The following MTHFD1L variants were observed in gnomAD, a reference collection of about 807,000 sequenced individuals.
MTHFD1L encodes the protein monofunctional C1-tetrahydrofolate synthase, mitochondrial.
MTHFD1L carries 81 observed loss-of-function variants against 119.5 expected under a neutral mutation model. The observed-to-expected ratio is 0.68, with a 90% CI of 0.57 to 0.82. The LOEUF (loss-of-function observed/expected upper bound fraction) is 0.82. MTHFD1L is among the 40% of genes least tolerant of loss of function. The pLI is 0.00. For missense variants in MTHFD1L, 1,125 were observed against 1,253.4 expected, an observed-to-expected ratio of 0.90 and a Z score of 1.55; for synonymous variants, 430 against 475.2, an observed-to-expected ratio of 0.90 and a Z score of 1.24.
At chr6:151,067,182 C>T (rs766560039) in intron 26 of MTHFD1L, among the ~76,000 whole-genome samples, 4 of 151,700 alleles carry the variant, frequency 2.6e-5, no homozygotes, top group Non-Finnish European at 2.9e-5. Context: ...TTAGTAGAAA[C>T]GGGGTTTCAC....
At chr6:150,939,491 C>T (rs1433921169) in intron 13 of MTHFD1L, among the ~76,000 whole-genome samples, 1 of 152,030 alleles carries the variant, frequency 6.6e-6, no homozygotes, top group Non-Finnish European at 1.5e-5. Flanking sequence ...TCTGCATCAG[C>T]CTTATCATTC....
At chr6:151,009,448 C>T (rs771609857) in intron 20 of MTHFD1L, among the ~76,000 whole-genome samples, 1 of 151,958 alleles carries the variant, frequency 6.6e-6, no homozygotes, top group South Asian at 2.1e-4. Context: ...TCAGGAGAAT[C>T]GCTTGTGCCC....
intron 2 of MTHFD1L, among the ~76,000 whole-genome samples, chr6:150,876,764 G>A (rs1019949577): frequency 1.3e-5 from 2 of 152,142 alleles, no homozygotes; most frequent in Non-Finnish European, 2.9e-5. Flanking sequence ...AGCCAAGCCT[G>A]GAAGCAAACA....
chr6:151,004,668 T>C (rs894808525), intron 20 of MTHFD1L, among the ~76,000 whole-genome samples: 2 of 152,212 alleles, frequency 1.3e-5, no homozygotes, highest in Admixed American at 6.5e-5. Flanking sequence ...ACCCAAATTG[T>C]CCCTTCCCAA....
In MTHFD1L at chr6:150,956,166, A is replaced by C. The variant is rs540911754; in HGVS notation, c.1803+95A>C. Reference sequence around the variant, plus strand: ...CTTTGCCTTTCTTGTCTCATCCCCAACCTGTTGTGGCCAGTGGTTCTCTCA... The same window carrying C: ...CTTTGCCTTTCTTGTCTCATCCCCACCCTGTTGTGGCCAGTGGTTCTCTCA... On this transcript the variant is annotated intron_variant, in intron 17 of 27. Coordinates refer to ENST00000367321, the MANE Select transcript of MTHFD1L (RefSeq NM_015440.5). The C allele has an allele frequency of 2.4e-6, 3 of 1,259,280 alleles. No individual in the cohort carries two copies. In the East Asian group the frequency reaches 7.0e-5, roughly 29 times the overall value. 78.0% of individuals were successfully genotyped at this position (1,259,280 alleles called of 1,614,324 possible).
At chr6:150,923,553 T>TC (rs1562387422) in intron 10 of MTHFD1L, among the ~76,000 whole-genome samples, 1 of 82,946 alleles carries the variant, frequency 1.2e-5, no homozygotes, top group Admixed American at 1.4e-4. Context: ...TCTTTTTTTT[T>TC]TTTTTTTTTT....
At chr6:151,090,120 T>A (rs1432392347) in intron 26 of MTHFD1L, among the ~76,000 whole-genome samples, 1 of 152,182 alleles carries the variant, frequency 6.6e-6, no homozygotes, top group Admixed American at 6.5e-5. Context: ...GTTTTATGTG[T>A]TCCCCCAGCC....
Position 151,069,278 on chromosome 6 carries a change from T to TCTCTCC in MTHFD1L, c.2848-23186_2848-23185insTCCCTC, listed in dbSNP as rs1177991974. The stretch of plus-strand genomic sequence containing the variant: ...CTCTCTCTCTCTCTCTCTCTCTCTC[T>TCTCTCC]CTCCCTCCCTCTCTCTGTCATAGGG... On this transcript the variant is annotated intron_variant, in intron 26 of 27. Coordinates refer to ENST00000367321, the MANE Select transcript of MTHFD1L (RefSeq NM_015440.5). 4.6e-4 allele frequency among the ~76,000 whole-genome samples: 69 copies of TCTCTCC among 151,028 alleles called. No individual in the cohort carries two copies. The South Asian group carries it at 5.3e-3, about 12-fold the overall frequency.
intron 6 of MTHFD1L, among the ~76,000 whole-genome samples, chr6:150,886,435 C>CAAAAA (rs996165446): frequency 1.4e-5 from 1 of 69,610 alleles, no homozygotes; most frequent in Non-Finnish European, 2.9e-5. Flanking sequence ...GACCCTGCCT[C>CAAAAA]AAAAAAAAAA....
In MTHFD1L at chr6:150,960,467, G is replaced by A. The variant is rs185276817; in HGVS notation, c.1944+52G>A. 197 of 1,537,998 alleles carry A rather than the reference G, an allele frequency of 1.3e-4. No homozygotes were observed. The Admixed American group carries it at 3.4e-3, about 27-fold the overall frequency. ...AGGGAGTGGACGGTCCTCGTTCTTC[G>A]TTACCAGAAAAAGAAAGGTTTTCTT... On this transcript the variant is annotated intron_variant, in intron 18 of 27. Transcript: ENST00000367321.
intron 26 of MTHFD1L, among the ~76,000 whole-genome samples, chr6:151,085,017 A>C (rs1376873810): frequency 2.2e-5 from 3 of 133,766 alleles, no homozygotes; most frequent in Non-Finnish European, 5.0e-5. Context: ...ATATATTTAT[A>C]TATGTATATA....
Position 150,958,931 on chromosome 6 carries a change from G to A in MTHFD1L, c.1804-1344G>A, listed in dbSNP as rs182692024. ...ATTACAAATGAAGAGCTTGAATATC[G>A]ATTATATATTATTCTTATTTACACA... On this transcript the variant is annotated intron_variant, in intron 17 of 27. Transcript: ENST00000367321. Among the ~76,000 whole-genome samples, 958 of 152,110 alleles carry A rather than the reference G, an allele frequency of 6.3e-3. 14 individuals are homozygous for A. Among genetic ancestry groups the A allele is most frequent in the African/African-American group, 0.022 (919 of 41,500 alleles).
intron 10 of MTHFD1L, among the ~76,000 whole-genome samples, chr6:150,924,331 T>G (rs1288776924): frequency 1.3e-5 from 2 of 151,438 alleles, no homozygotes; most frequent in Non-Finnish European, 2.9e-5. Context: ...AGCGAGGACA[T>G]CTGGCTAATT....
chr6:150,992,770 T>C lies in MTHFD1L; in HGVS notation c.2126-17049T>C, dbSNP rs141785362. Among the ~76,000 whole-genome samples the C allele has an allele frequency of 1.4e-4, 21 of 152,286 alleles. No homozygotes were observed. In the East Asian group the frequency reaches 3.9e-3, roughly 28 times the overall value. On this transcript the variant is annotated intron_variant, in intron 20 of 27. Coordinates refer to ENST00000367321, the MANE Select transcript of MTHFD1L (RefSeq NM_015440.5). ...GCTGCACAAATTCCTGCATTTCCCT[T>C]GGGTTGAATGGTAGGGATGCGGGCA...
chr6:151,040,899 T>C (rs1460169398), intron 26 of MTHFD1L, among the ~76,000 whole-genome samples: 1 of 152,152 alleles, frequency 6.6e-6, no homozygotes, highest in Non-Finnish European at 1.5e-5. Context: ...GGCTGTCCGC[T>C]CCTGACGTCA....
At chr6:151,052,036 C>T (rs1488369724) in intron 26 of MTHFD1L, among the ~76,000 whole-genome samples, 3 of 152,144 alleles carry the variant, frequency 2.0e-5, no homozygotes, top group Non-Finnish European at 2.9e-5. Flanking sequence ...GAGTGGAAGT[C>T]GCCGGAACTG....
chr6:150,892,222 A>G (rs1783424842), intron 7 of MTHFD1L, among the ~76,000 whole-genome samples: 1 of 152,220 alleles, frequency 6.6e-6, no homozygotes, highest in Non-Finnish European at 1.5e-5. Flanking sequence ...AAGAGAGAAA[A>G]TACCTTCCTT....
At chr6:150,930,635 G>A (rs1790880478) in intron 11 of MTHFD1L, among the ~76,000 whole-genome samples, 1 of 151,822 alleles carries the variant, frequency 6.6e-6, no homozygotes, top group African/African-American at 2.4e-5. Context: ...TCTGAACACT[G>A]TAACATAAAT....
chr6:151,064,006 T>C (rs1201567635), intron 26 of MTHFD1L, among the ~76,000 whole-genome samples: 4 of 152,178 alleles, frequency 2.6e-5, no homozygotes, highest in Non-Finnish European at 5.9e-5. Flanking sequence ...CAGTGTATCT[T>C]TGTCATGAAT....
Sources: gnomAD v4.1 joint callset for allele counts (sites outside exome capture counted in the v4.1 genomes callset) on GRCh38, gnomAD v4.1.1 for gene constraint, MANE v1.5 for transcripts, NCBI Gene and HGNC (gene_info 2026-07-23, HGNC 2026-07-21) for gene names.